Variants in PSMA1 observed in about 807,000 individuals in gnomAD.
PSMA1 encodes proteasome 20S subunit alpha 1, also known as proteasome subunit alpha type-1.
Under a neutral mutation model 38.4 loss-of-function variants are expected in PSMA1, and 3 were observed. The ratio of observed to expected loss-of-function variants is 0.08; its 90% CI spans 0.04 to 0.20. PSMA1 has a LOEUF of 0.20. PSMA1 is among the 10% of genes least tolerant of loss of function. PSMA1 has a pLI of 1.00. For missense variants in PSMA1, 227 were observed against 325.3 expected (o/e 0.70, Z 2.32); for synonymous variants, 101 against 107.1 (o/e 0.94, Z 0.35).
At chr11:14,595,631 T>C (rs1364028247) in intron 2 of PSMA1, among the ~76,000 whole-genome samples, 5 of 152,248 alleles carry the variant, frequency 3.3e-5, no homozygotes, top group Non-Finnish European at 7.3e-5. Flanking sequence ...TCTTTGTAGA[T>C]TCTGGATATT....
At chr11:14,553,823 C>T (rs558893298) in intron 2 of PSMA1, among the ~76,000 whole-genome samples, 1 of 152,214 alleles carries the variant, frequency 6.6e-6, no homozygotes, top group South Asian at 2.1e-4. Flanking sequence ...TTTCATTACT[C>T]TGGGTAAATG....
rs569414198 is a variant in PSMA1, at chr11:14,631,531, T to C, written c.-166+11924A>G. Among the ~76,000 whole-genome samples, 7 of 152,232 alleles carry C rather than the reference T, an allele frequency of 4.6e-5. No individual in the cohort carries two copies. The East Asian group carries it at 1.2e-3, about 25-fold the overall frequency. Reference sequence around the variant, plus strand: ...TTTGATTGCACTGTGGTCTGAGAGATAGTTTGCTATAATTTCTGTTCTTTT... The same window carrying C: ...TTTGATTGCACTGTGGTCTGAGAGACAGTTTGCTATAATTTCTGTTCTTTT... On this transcript the variant is annotated intron_variant, in intron 1 of 10. Coordinates refer to the PSMA1 transcript ENST00000418988.
chr11:14,576,747 T>A (rs890484758), intron 2 of PSMA1, among the ~76,000 whole-genome samples: 1 of 152,200 alleles, frequency 6.6e-6, no homozygotes, highest in African/African-American at 2.4e-5. Context: ...GGCTTAGGAT[T>A]GTCTTGGCAA....
At chr11:14,607,412 C>T (rs930224226) in intron 2 of PSMA1, among the ~76,000 whole-genome samples, 11 of 152,208 alleles carry the variant, frequency 7.2e-5, no homozygotes, top group African/African-American at 2.7e-4. Flanking sequence ...GTGGGTCCTC[C>T]TGGTACTGTC....
chr11:14,624,098 T>C (rs745546623), intron 1 of PSMA1, among the ~76,000 whole-genome samples: 2 of 152,214 alleles, frequency 1.3e-5, no homozygotes, highest in Non-Finnish European at 2.9e-5. Flanking sequence ...CTCATGACCA[T>C]GGGAGCTCTA....
chr11:14,520,369 G>A lies in PSMA1; in HGVS notation c.-70C>T. 6.2e-7 allele frequency: 1 copy of A among 1,614,110 alleles called. No individual in the cohort carries two copies. The highest frequency in any genetic ancestry group is 8.5e-7 in the Non-Finnish European group (1 of 1,179,986). Reference sequence around the variant, plus strand: ...TCAAGGAGGTGCTGCCGAAAGTATCGCTCAGCGATCTACAGAGAAGTCTGC... The same window carrying A: ...TCAAGGAGGTGCTGCCGAAAGTATCACTCAGCGATCTACAGAGAAGTCTGC... On this transcript the variant is annotated 5_prime_UTR_variant, in exon 1 of 10. Coordinates refer to ENST00000396394, the MANE Select transcript of PSMA1 (RefSeq NM_002786.4).
intron 2 of PSMA1, among the ~76,000 whole-genome samples, chr11:14,544,482 A>C (rs1210240990): frequency 1.3e-5 from 2 of 152,238 alleles, no homozygotes; most frequent in African/African-American, 4.8e-5. Flanking sequence ...AATAATAAAA[A>C]GACAACCCAA....
intron 1 of PSMA1, among the ~76,000 whole-genome samples, chr11:14,630,674 C>T (rs1439956082): frequency 6.6e-6 from 1 of 151,356 alleles, no homozygotes; most frequent in Non-Finnish European, 1.5e-5. Context: ...ATGATGCTGG[C>T]CTCATAAAAT....
chr11:14,610,800 C>T (rs534792111), intron 2 of PSMA1: 6 of 626,360 alleles, frequency 9.6e-6, no homozygotes, highest in African/African-American at 3.7e-5. Context: ...ATCTTCTTTC[C>T]TTTGCTTTCT....
chr11:14,621,000 T>C (rs1466487989), intron 1 of PSMA1, among the ~76,000 whole-genome samples: 1 of 152,234 alleles, frequency 6.6e-6, no homozygotes, highest in Non-Finnish European at 1.5e-5. Context: ...TTTCTTCTAA[T>C]GAAGAGTAGG....
chr11:14,538,093 A>T (rs866053319), intron 2 of PSMA1, among the ~76,000 whole-genome samples: 10 of 152,116 alleles, frequency 6.6e-5, no homozygotes, highest in Middle Eastern at 3.4e-3. Flanking sequence ...ATATAAAAAA[A>T]TTTTTTTTCA....
chr11:14,605,704 A>G (rs936151282), intron 2 of PSMA1, among the ~76,000 whole-genome samples: 2 of 152,048 alleles, frequency 1.3e-5, no homozygotes, highest in African/African-American at 4.8e-5. Flanking sequence ...CCTATTTTTA[A>G]TTAGGGTTAT....
At chr11:14,595,350 G>A (rs1852473764) in intron 2 of PSMA1, among the ~76,000 whole-genome samples, 1 of 152,154 alleles carries the variant, frequency 6.6e-6, no homozygotes, top group African/African-American at 2.4e-5. Flanking sequence ...TACAATGGTT[G>A]AACTAATTTA....
chr11:14,546,511 C>A (rs1289272091), intron 2 of PSMA1, among the ~76,000 whole-genome samples: 4 of 152,062 alleles, frequency 2.6e-5, no homozygotes, highest in African/African-American at 9.7e-5. Context: ...GATCTCGGCT[C>A]ACTGCAACCT....
intron 2 of PSMA1, among the ~76,000 whole-genome samples, chr11:14,592,747 G>T (rs183659628): frequency 2.0e-5 from 3 of 152,186 alleles, no homozygotes; most frequent in African/African-American, 7.2e-5. Flanking sequence ...AACAATTTGT[G>T]GTATACAGTA....
chr11:14,583,483 C>G (rs1039544810), intron 2 of PSMA1, among the ~76,000 whole-genome samples: 1 of 152,190 alleles, frequency 6.6e-6, no homozygotes, highest in Non-Finnish European at 1.5e-5. Context: ...CCATCTGGGC[C>G]AGCGCTCAGA....
intron 2 of PSMA1, among the ~76,000 whole-genome samples, chr11:14,594,036 A>G (rs1193749963): frequency 1.3e-5 from 2 of 152,242 alleles, no homozygotes; most frequent in South Asian, 2.1e-4. Flanking sequence ...TTACCTCTTC[A>G]TGGAAAAGAG....
chr11:14,515,744 G>A (rs964759788), intron 4 of PSMA1, among the ~76,000 whole-genome samples: 1 of 151,262 alleles, frequency 6.6e-6, no homozygotes, highest in Non-Finnish European at 1.5e-5. Context: ...AGTAGAGACA[G>A]GGTTTCACCA....
intron 1 of PSMA1, 53 bp from the exon 2 acceptor site, chr11:14,519,094 A>G: frequency 7.4e-7 from 1 of 1,349,946 alleles, no homozygotes; most frequent in Non-Finnish European, 1.1e-6. Flanking sequence ...TCAAATCCCA[A>G]CTCTTAACAT....
Sources: gnomAD v4.1 joint callset for allele counts (sites outside exome capture counted in the v4.1 genomes callset) on GRCh38, gnomAD v4.1.1 for gene constraint, MANE v1.5 for transcripts, NCBI Gene and HGNC (gene_info 2026-07-23, HGNC 2026-07-21) for gene names.